Variants in BDKRB1 observed in about 807,000 individuals in gnomAD.
The protein encoded by BDKRB1 is bradykinin receptor B1, also known as B1 bradykinin receptor.
For missense variants in BDKRB1, 414 were observed against 441.4 expected (o/e 0.94, Z 0.56); for synonymous variants, 192 against 189.1 (o/e 1.02, Z -0.13).
At chr14:96,259,476 G>A (rs1297473969) in intron 1 of BDKRB1, 3 of 152,216 alleles carry the variant, frequency 2.0e-5, no homozygotes, top group African/African-American at 7.2e-5. Context: ...TTATTTATAT[G>A]CAATAACAAA....
chr14:96,256,811 A>G (rs1325003435), intron 1 of BDKRB1, among the ~76,000 whole-genome samples: 2 of 152,220 alleles, frequency 1.3e-5, no homozygotes, highest in Non-Finnish European at 2.9e-5. Flanking sequence ...TAACATCACC[A>G]TGCTGTTGAA....
intron 1 of BDKRB1, among the ~76,000 whole-genome samples, chr14:96,261,975 C>A (rs1396871087): frequency 6.6e-6 from 1 of 152,242 alleles, no homozygotes; most frequent in Non-Finnish European, 1.5e-5. Context: ...AGCTTTCTAT[C>A]CCTCTCCCGG....
intron 1 of BDKRB1, among the ~76,000 whole-genome samples, chr14:96,257,187 C>CCAG (rs1555361963): frequency 6.6e-6 from 1 of 152,166 alleles, no homozygotes; most frequent in East Asian, 1.9e-4. Context: ...CTGCAGTGGC[C>CCAG]CCAGCCACCT....
At chr14:96,257,501 G>A (rs994523687) in intron 1 of BDKRB1, among the ~76,000 whole-genome samples, 4 of 152,090 alleles carry the variant, frequency 2.6e-5, no homozygotes, top group African/African-American at 9.7e-5. Flanking sequence ...CACACAACAC[G>A]AGAGAATTAT....
intron 1 of BDKRB1, among the ~76,000 whole-genome samples, chr14:96,260,500 C>T (rs957968204): frequency 3.9e-5 from 6 of 152,138 alleles, no homozygotes; most frequent in Non-Finnish European, 8.8e-5. Context: ...ACTTAAATTT[C>T]CATTAAATAT....
rs573131210 is a variant in BDKRB1, at chr14:96,264,672, C to T, written c.990C>T (p.Cys330=). 7 of 1,614,190 alleles carry T rather than the reference C, an allele frequency of 4.3e-6. No individual in the cohort carries two copies. In the East Asian group the frequency reaches 1.3e-4, roughly 31 times the overall value. Residue 330 remains cysteine, a synonymous_variant, in exon 3 of 3, where the codon TGC becomes TGT. Transcript: ENST00000216629. ...AGGTCTGGGAACTTTATAAACAATGCACCCCTAAAAGTCTTGCTCCAATAT... is the reference window on the plus strand; with the variant it reads ...AGGTCTGGGAACTTTATAAACAATGTACCCCTAAAAGTCTTGCTCCAATAT... ...RTKVWELYKQ[C]TPKSLAPISS...
chr14:96,260,747 A>G (rs1376323460), intron 1 of BDKRB1, among the ~76,000 whole-genome samples: 4 of 152,042 alleles, frequency 2.6e-5, no homozygotes, highest in Admixed American at 6.6e-5. Context: ...TGATCTGTCA[A>G]CCGGCAGCTG....
chr14:96,264,188 G>A lies in BDKRB1; in HGVS notation c.506G>A (p.Ser169Asn). Residue 169 changes from serine to asparagine, a missense_variant, in exon 3 of 3, where the codon AGC (serine) becomes AAC (asparagine). Physicochemically the swap from Ser to Asn is conservative, Grantham distance 46 (BLOSUM62 1). Coordinates refer to ENST00000216629, the MANE Select transcript of BDKRB1 (RefSeq NM_000710.4). ...VLIWVVGGLL[S>N]IPTFLLRSIQ... Reference sequence around the variant, plus strand: ...ATCTGGGTTGTGGGGGGCCTCTTGAGCATCCCCACATTCCTGCTGCGATCC... The same window carrying A: ...ATCTGGGTTGTGGGGGGCCTCTTGAACATCCCCACATTCCTGCTGCGATCC... 2 of 1,610,044 alleles carry A rather than the reference G, an allele frequency of 1.2e-6. No individual in the cohort carries two copies. Among genetic ancestry groups the A allele is most frequent in the Non-Finnish European group, 1.7e-6 (2 of 1,177,296 alleles).
In BDKRB1 at chr14:96,263,703, TC is replaced by T; in HGVS notation, c.22del (p.Leu8Ter). 6.2e-7 allele frequency: 1 copy of T among 1,613,860 alleles called. No homozygotes were observed. The highest frequency in any genetic ancestry group is 8.5e-7 in the Non-Finnish European group (1 of 1,179,866). MASSWPPLELQSSNQSQL... is the reference protein window; with the variant it reads MASSWPPXELQSSNQSQL... ...TGTGCATGGCATCATCCTGGCCCCC[TC>T]TAGAGCTCCAATCCTCCAACCAGAG... On this transcript the variant is annotated frameshift_variant, in exon 3 of 3. Transcript: ENST00000216629. LOFTEE classifies it low-confidence loss of function (END_TRUNC).
intron 2 of BDKRB1, among the ~76,000 whole-genome samples, 157 bp from the exon 3 acceptor site, chr14:96,263,516 C>A (rs139253065): frequency 8.4e-4 from 128 of 152,306 alleles, no homozygotes; most frequent in African/African-American, 2.8e-3. Context: ...CTCGACTCCC[C>A]CTTGTAGCAT....
At position 96,256,274 on chromosome 14, in the gene BDKRB1, T is replaced by C. The variant is rs1885614254; in HGVS notation, c.-156T>C. On this transcript the variant is annotated 5_prime_UTR_variant, in exon 1 of 3. Coordinates refer to ENST00000216629, the MANE Select transcript of BDKRB1 (RefSeq NM_000710.4). ...TCACTATCAGAAAACCCAACTACAGTTGTGAACGCCTTCATTTTCTGCCTG... is the reference window on the plus strand; with the variant it reads ...TCACTATCAGAAAACCCAACTACAGCTGTGAACGCCTTCATTTTCTGCCTG... 6.6e-6 allele frequency: 1 copy of C among 152,152 alleles called. No individual in the cohort carries two copies. The highest frequency in any genetic ancestry group is 2.4e-5 in the African/African-American group (1 of 41,424). 9.4% of individuals were successfully genotyped at this position (152,152 alleles called of 1,614,324 possible). A position where few individuals can be genotyped will look rare whatever the true frequency, so the allele number is the denominator to read the frequency against.
chr14:96,264,402 C>G lies in BDKRB1; in HGVS notation c.720C>G (p.Cys240Trp), dbSNP rs143735378. 6.2e-7 allele frequency: 1 copy of G among 1,614,190 alleles called. No homozygotes were observed. The highest frequency in any genetic ancestry group is 8.5e-7 in the Non-Finnish European group (1 of 1,180,040). The change falls in exon 3 of 3, where the codon TGC becomes TGG. Residue 240 changes from cysteine (C) to tryptophan (W), a missense_variant. Physicochemically the swap from Cys to Trp is radical, Grantham distance 215. Coordinates refer to ENST00000216629, the MANE Select transcript of BDKRB1 (RefSeq NM_000710.4). Reference sequence around the variant, plus strand: ...GGGAGGAGGTCAGCAGGACAAGGTGCGGGGGCCGCAAGGATAGCAAGACCA... The same window carrying G: ...GGGAGGAGGTCAGCAGGACAAGGTGGGGGGGCCGCAAGGATAGCAAGACCA... ...RTREEVSRTR[C>W]GGRKDSKTTA...
At chr14:96,263,289 C>A (rs1885800347) in intron 2 of BDKRB1, among the ~76,000 whole-genome samples, 1 of 152,204 alleles carries the variant, frequency 6.6e-6, no homozygotes, top group Non-Finnish European at 1.5e-5. Context: ...ATCCTGACAA[C>A]AGCCCTCCCG....
At position 96,261,721 on chromosome 14, in the gene BDKRB1, C is replaced by T. The variant is rs36220811; in HGVS notation, c.-129-931C>T. Among the ~76,000 whole-genome samples, 236 of 152,316 alleles carry T rather than the reference C, an allele frequency of 1.5e-3. 4 individuals are homozygous for T. The East Asian group carries it at 0.039, about 25-fold the overall frequency. On this transcript the variant is annotated intron_variant, in intron 1 of 2. Transcript: ENST00000216629. ...ATAAGTCAGGAACCCTGCCAAGCAC[C>T]GGGCGTATATTAACCTATCCAAGCT...
At chr14:96,261,774 T>G (rs11628515) in intron 1 of BDKRB1, among the ~76,000 whole-genome samples, 1 of 152,204 alleles carries the variant, frequency 6.6e-6, no homozygotes, top group African/African-American at 2.4e-5. Flanking sequence ...CTCTGAAGAT[T>G]GTCTGGAGCC....
rs770984603 is a variant in BDKRB1 at position 96,264,560 on chromosome 14, G to A, written c.878G>A (p.Gly293Asp). The A allele has an allele frequency of 6.2e-7, 1 of 1,614,164 alleles. No homozygotes were observed. The highest frequency in any genetic ancestry group is 2.2e-5 in the East Asian group (1 of 44,870). ...TTTTGGGAGGACTTCATTGACCTGG[G>A]CCTGCAATTGGCCAACTTCTTTGCC... The part of the protein sequence containing the change: ...GCFWEDFIDL[G>D]LQLANFFAFT... Residue 293 changes from glycine to aspartate, a missense_variant, in exon 3 of 3, where the codon GGC (glycine) becomes GAC (aspartate). Transcript: ENST00000216629.
At chr14:96,263,651 T>C in intron 2 of BDKRB1, 22 bp from the exon 3 acceptor site, 1 of 1,577,470 alleles carries the variant, frequency 6.3e-7, no homozygotes, top group Non-Finnish European at 8.6e-7. Flanking sequence ...TCCTGTTTTA[T>C]TCTACCTTCT....
rs368729494 is a variant in BDKRB1 at position 96,264,177 on chromosome 14, G to A, written c.495G>A (p.Gly165=). 22 of 1,607,488 alleles carry A rather than the reference G, an allele frequency of 1.4e-5. No individual in the cohort carries two copies. The highest frequency in any genetic ancestry group is 1.8e-5 in the Non-Finnish European group (21 of 1,176,052). The change falls in exon 3 of 3, where the codon GGG becomes GGA. Residue 165 remains glycine, a synonymous_variant. Transcript: ENST00000216629. ...RVTCVLIWVV[G]GLLSIPTFLL... is the part of the protein sequence containing the mutation. ...CCTGCGTGCTCATCTGGGTTGTGGGGGGCCTCTTGAGCATCCCCACATTCC... is the reference window on the plus strand; with the variant it reads ...CCTGCGTGCTCATCTGGGTTGTGGGAGGCCTCTTGAGCATCCCCACATTCC...
chr14:96,259,278 A>T (rs1233056307), intron 1 of BDKRB1: 7 of 152,114 alleles, frequency 4.6e-5, no homozygotes, highest in African/African-American at 9.7e-5. Context: ...CTGAGACTCA[A>T]TGTCCACTAA....
Sources: gnomAD v4.1 joint callset for allele counts (sites outside exome capture counted in the v4.1 genomes callset) on GRCh38, gnomAD v4.1.1 for gene constraint, MANE v1.5 for transcripts, NCBI Gene and HGNC (gene_info 2026-07-23, HGNC 2026-07-21) for gene names.